Variants in SLC35F4 observed in about 807,000 individuals in gnomAD.
The protein encoded by SLC35F4 is solute carrier family 35 member F4.
In SLC35F4, 24 loss-of-function variants were observed where a neutral mutation model predicts 44.2. That is an observed-to-expected ratio of 0.54 (90% CI 0.39 to 0.76). The LOEUF (loss-of-function observed/expected upper bound fraction) is 0.76, where lower values mean the gene tolerates loss of function less well. Among genes scored for constraint, SLC35F4 ranks in the 30% least tolerant of loss-of-function variants. The pLI, the probability that SLC35F4 is intolerant of heterozygous loss-of-function variation, is 0.00. For synonymous variants in SLC35F4, 238 were observed against 223.6 expected (o/e 1.06, Z -0.57); for missense variants, 562 against 586.1 (o/e 0.96, Z 0.42).
At chr14:57,865,615 G>C in intron 1 of SLC35F4, 108 bp downstream of exon 1, 7 of 855,072 alleles carry the variant, frequency 8.2e-6, no homozygotes, top group Non-Finnish European at 1.2e-5. Context: ...AGCGTCCGCA[G>C]GGCTGCAGGT....
At chr14:57,640,036 TATA>T (rs1429478168) in intron 1 of SLC35F4, among the ~76,000 whole-genome samples, 1 of 152,020 alleles carries the variant, frequency 6.6e-6, no homozygotes, top group African/African-American at 2.4e-5. Flanking sequence ...CTCCTCTCAA[TATA>T]ATATTTCCTT....
At chr14:57,898,908 C>A (rs1165967651) in intron 1 of SLC35F4, among the ~76,000 whole-genome samples, 1 of 152,164 alleles carries the variant, frequency 6.6e-6, no homozygotes, top group Non-Finnish European at 1.5e-5. Flanking sequence ...GGGTTGGAGT[C>A]TCCAGAAGAG....
chr14:57,867,524 C>A (rs1027903426), upstream of SLC35F4, among the ~76,000 whole-genome samples: 2 of 151,538 alleles, frequency 1.3e-5, no homozygotes, highest in African/African-American at 4.9e-5. Context: ...TCAAAAGGAA[C>A]TAAAAGGAAA....
At chr14:57,972,541 G>C (rs1249330120), downstream of SLC35F4, among the ~76,000 whole-genome samples, 1 of 150,298 alleles carries the variant, frequency 6.7e-6, no homozygotes, top group Non-Finnish European at 1.5e-5. Context: ...TCATGCTGAA[G>C]TGGAAAAAAA....
At chr14:57,596,201 T>C (rs2070477121) in intron 1 of SLC35F4, 1 of 157,014 alleles carries the variant, frequency 6.4e-6, no homozygotes, top group Admixed American at 6.3e-5. Flanking sequence ...AAATGTACTA[T>C]GTAATCTTGG....
intron 1 of SLC35F4, among the ~76,000 whole-genome samples, chr14:57,959,534 G>T (rs555031156): frequency 6.6e-6 from 1 of 152,274 alleles, no homozygotes; most frequent in Admixed American, 6.5e-5. Flanking sequence ...AGGCCTGTCT[G>T]ACTCTAAAAT....
At chr14:57,868,091 G>A (rs1661788241), upstream of SLC35F4, among the ~76,000 whole-genome samples, 1 of 152,088 alleles carries the variant, frequency 6.6e-6, no homozygotes, top group Non-Finnish European at 1.5e-5. Flanking sequence ...AACTGGATCT[G>A]ATCATTCATA....
Position 57,897,252 on chromosome 14 carries a change from T to C in SLC35F4, n.282+84661A>G, listed in dbSNP as rs183037706. Among the ~76,000 whole-genome samples, 328 of 152,212 alleles carry C rather than the reference T, an allele frequency of 2.2e-3. 1 individual carries two copies. Among genetic ancestry groups the C allele is most frequent in the African/African-American group, 7.5e-3 (312 of 41,530 alleles). On this transcript the variant is annotated intron_variant and non_coding_transcript_variant, in intron 1 of 1. Transcript: ENST00000556568. ...AATAGTGTGTCAAGAGACTCCCTGATAGGGTTAAAGCTCCTTAGCATTGTG... is the reference window on the plus strand; with the variant it reads ...AATAGTGTGTCAAGAGACTCCCTGACAGGGTTAAAGCTCCTTAGCATTGTG...
chr14:57,880,034 GAGGAAGGA>G (rs59505576), intron 1 of SLC35F4, among the ~76,000 whole-genome samples: 6,206 of 92,402 alleles, frequency 0.067, 236 homozygotes, highest in Middle Eastern at 0.1. Context: ...GGAAAGGAGG[GAGGAAGGA>G]AGGAAGGAAG....
At chr14:57,714,278 A>C (rs2075882617) in intron 1 of SLC35F4, among the ~76,000 whole-genome samples, 1 of 152,342 alleles carries the variant, frequency 6.6e-6, no homozygotes, top group South Asian at 2.1e-4. Context: ...TTTAAGCCAG[A>C]AAATAGGAGA....
Position 57,575,678 on chromosome 14 carries a change from C to T in SLC35F4, c.808-3659G>A, listed in dbSNP as rs530609297. Among the ~76,000 whole-genome samples, 27 of 152,320 alleles carry T rather than the reference C, an allele frequency of 1.8e-4. 1 individual carries two copies. The highest frequency in any genetic ancestry group is 6.3e-4 in the African/African-American group (26 of 41,562). ...CATTGAAGGAAGAGGATTTATTTAG[C>T]CCATTATCTCAGCATGCCAGTTGAG... On this transcript the variant is annotated intron_variant, in intron 4 of 7. Transcript: ENST00000556826.
In SLC35F4 at chr14:57,647,655, C is replaced by T. The variant is rs116513249; in HGVS notation, c.104-53531G>A. 6.1e-4 allele frequency among the ~76,000 whole-genome samples: 93 copies of T among 152,280 alleles called. 1 individual carries two copies. Among genetic ancestry groups the T allele is most frequent in the African/African-American group, 2.1e-3 (86 of 41,556 alleles). ...TCCATTGATATTGAAAAATATTCTT[C>T]GCATGACCAAACTTTGGTTAGGCTC... On this transcript the variant is annotated intron_variant, in intron 1 of 7. Transcript: ENST00000556826.
rs569578242 is a variant in SLC35F4 at position 57,646,635 on chromosome 14, G to A, written c.104-52511C>T. On this transcript the variant is annotated intron_variant, in intron 1 of 7. Coordinates refer to ENST00000556826, the MANE Select transcript of SLC35F4 (RefSeq NM_001306087.2). ...TCTCTATTTCCTTCAGTTCTGCTCT[G>A]ATCTTAGTTATTTCTCACCTTCTGT... is the stretch of plus-strand genomic sequence containing the variant. Among the ~76,000 whole-genome samples the A allele has an allele frequency of 3.0e-4, 45 of 148,962 alleles. No individual in the cohort carries two copies. In the Middle Eastern group the frequency reaches 0.01, roughly 34 times the overall value.
chr14:57,662,060 A>T (rs1387502006), intron 1 of SLC35F4, among the ~76,000 whole-genome samples: 1 of 152,184 alleles, frequency 6.6e-6, no homozygotes, highest in African/African-American at 2.4e-5. Flanking sequence ...ATAGTGAAGT[A>T]AGGCAGATGT....
intron 1 of SLC35F4, among the ~76,000 whole-genome samples, chr14:57,817,450 G>C (rs549101533): frequency 1.3e-5 from 2 of 152,060 alleles, no homozygotes; most frequent in African/African-American, 2.4e-5. Context: ...ACGTGACGAG[G>C]CTTTTCATCC....
At chr14:57,962,556 G>A (rs1890358650) in intron 1 of SLC35F4, among the ~76,000 whole-genome samples, 1 of 152,224 alleles carries the variant, frequency 6.6e-6, no homozygotes, top group Non-Finnish European at 1.5e-5. Context: ...AGGCCTATGT[G>A]TGGGGCTCCC....
intron 1 of SLC35F4, among the ~76,000 whole-genome samples, chr14:57,619,760 G>A (rs900126246): frequency 6.6e-6 from 1 of 152,106 alleles, no homozygotes; most frequent in African/African-American, 2.4e-5. Context: ...AAAGGAGCAT[G>A]TTCTAATGAA....
At chr14:57,966,430 T>C (rs1195757744) in intron 1 of SLC35F4, among the ~76,000 whole-genome samples, 3 of 152,110 alleles carry the variant, frequency 2.0e-5, no homozygotes, top group Non-Finnish European at 2.9e-5. Flanking sequence ...TAGACCAAAG[T>C]ACCTTTCAGA....
intron 1 of SLC35F4, among the ~76,000 whole-genome samples, chr14:57,891,754 T>C (rs1888769300): frequency 6.6e-6 from 1 of 152,088 alleles, no homozygotes; most frequent in Admixed American, 6.6e-5. Context: ...CATGCACCTG[T>C]AGTCCCAGCT....
Sources: gnomAD v4.1 joint callset for allele counts (sites outside exome capture counted in the v4.1 genomes callset) on GRCh38, gnomAD v4.1.1 for gene constraint, MANE v1.5 for transcripts, NCBI Gene and HGNC (gene_info 2026-07-23, HGNC 2026-07-21) for gene names.